TBC1D1: variants seen among roughly 807,000 people sequenced by gnomAD.
TBC1D1 encodes TBC1 domain family member 1.
A neutral mutation model predicts 125.6 loss-of-function variants in TBC1D1; 89 were observed. The observed-to-expected ratio is 0.71, with a 90% CI of 0.60 to 0.85. The LOEUF is 0.85. Among genes scored for constraint, TBC1D1 ranks in the 40% least tolerant of loss-of-function variants. TBC1D1 has a pLI of 0.00. For missense variants in TBC1D1, 1,377 were observed against 1,469.2 expected (o/e 0.94, Z 1.03); for synonymous variants, 565 against 564.1 (o/e 1.00, Z -0.02).
At chr4:38,031,188 G>A (rs1224555253) in intron 7 of TBC1D1, among the ~76,000 whole-genome samples, 1 of 152,206 alleles carries the variant, frequency 6.6e-6, no homozygotes, top group Non-Finnish European at 1.5e-5. Flanking sequence ...TGTGGAGCTA[G>A]TAAATAAAAT....
chr4:38,095,583 T>C (rs1301478723), intron 13 of TBC1D1, among the ~76,000 whole-genome samples: 2 of 152,302 alleles, frequency 1.3e-5, no homozygotes, highest in East Asian at 1.9e-4. Context: ...ATGCTAGTCA[T>C]TGGGAATTTT....
intron 12 of TBC1D1, among the ~76,000 whole-genome samples, chr4:38,069,860 T>TTTTTG (rs72452741): frequency 4.6e-5 from 7 of 151,606 alleles, no homozygotes; most frequent in South Asian, 2.1e-4. Flanking sequence ...TTTTTTCTGT[T>TTTTTG]TTTTGTTTTG....
intron 2 of TBC1D1, among the ~76,000 whole-genome samples, chr4:37,979,422 A>G (rs140413880): frequency 2.0e-5 from 3 of 152,338 alleles, no homozygotes; most frequent in African/African-American, 7.2e-5. Flanking sequence ...TTGGAGTTAT[A>G]GATTGTAAGA....
chr4:37,920,795 A>G (rs60244784), intron 2 of TBC1D1, among the ~76,000 whole-genome samples: 1 of 151,772 alleles, frequency 6.6e-6, no homozygotes, highest in African/African-American at 2.4e-5. Flanking sequence ...CATTGTCCCA[A>G]AACAGTAGGG....
chr4:37,915,283 C>T (rs980233892), intron 2 of TBC1D1, among the ~76,000 whole-genome samples: 12 of 152,264 alleles, frequency 7.9e-5, no homozygotes, highest in Non-Finnish European at 1.6e-4. Flanking sequence ...CAATAGGATA[C>T]ACATCATAAA....
At chr4:37,913,393 G>A (rs1440923213) in intron 2 of TBC1D1, among the ~76,000 whole-genome samples, 1 of 152,112 alleles carries the variant, frequency 6.6e-6, no homozygotes, top group Non-Finnish European at 1.5e-5. Flanking sequence ...GAGGTCGGGA[G>A]TTCAAGACAA....
chr4:38,031,182 G>T (rs1269133300), intron 7 of TBC1D1, among the ~76,000 whole-genome samples: 1 of 152,192 alleles, frequency 6.6e-6, no homozygotes, highest in African/African-American at 2.4e-5. Context: ...AGCCAATGTG[G>T]AGCTAGTAAA....
chr4:37,925,417 C>T (rs1466954861), intron 2 of TBC1D1, among the ~76,000 whole-genome samples: 10 of 152,042 alleles, frequency 6.6e-5, no homozygotes, highest in African/African-American at 2.4e-4. Flanking sequence ...TATATTACTT[C>T]TGATTATAAA....
chr4:37,977,145 T>C lies in TBC1D1; in HGVS notation c.418-37364T>C, dbSNP rs931722710. On this transcript the variant is annotated intron_variant, in intron 2 of 19. Coordinates refer to ENST00000261439, the MANE Select transcript of TBC1D1 (RefSeq NM_015173.4). This position sits in a 1 kb window ranked among gnomAD's most constrained non-coding sequence, Gnocchi z 4.3. ...GCCTCCAGGGTTTCCTGCGCAGCCC[T>C]GGGCATCTCGGAAGGGGGCGACCCC... 2.6e-5 allele frequency among the ~76,000 whole-genome samples: 4 copies of C among 152,084 alleles called. No individual in the cohort carries two copies. The highest frequency in any genetic ancestry group is 7.2e-5 in the African/African-American group (3 of 41,436).
intron 2 of TBC1D1, among the ~76,000 whole-genome samples, chr4:37,923,539 C>A (rs1721453094): frequency 1.3e-5 from 2 of 152,174 alleles, no homozygotes; most frequent in South Asian, 4.1e-4. Context: ...CTTATTGGAG[C>A]TGGAAGTCTC....
At chr4:37,952,105 C>T (rs1007917753) in intron 2 of TBC1D1, 6 of 716,830 alleles carry the variant, frequency 8.4e-6, no homozygotes, top group African/African-American at 7.0e-5. Context: ...GTGTCAGCAA[C>T]GTGAAGCTTG....
Position 37,902,115 on chromosome 4 carries a change from C to T in TBC1D1, c.20C>T (p.Thr7Ile), listed in dbSNP as rs1468321609. ...CCCAAGATGGAACCAATAACATTCA[C>T]AGCAAGGAAACATCTGCTTTCTAAC... Residue 7 changes from threonine (T) to isoleucine (I), a missense_variant, in exon 2 of 20, where the codon ACA becomes ATA. By Grantham distance (89) the Thr-to-Ile change is moderately conservative. Around this residue, in one of 3 missense-constraint regions of TBC1D1, gnomAD observed 822 missense variants for 824.6 expected, o/e 1.00. Coordinates refer to ENST00000261439, the MANE Select transcript of TBC1D1 (RefSeq NM_015173.4). 1 of 1,605,216 alleles carries T rather than the reference C, an allele frequency of 6.2e-7. No homozygotes were observed. The highest frequency in any genetic ancestry group is 8.5e-7 in the Non-Finnish European group (1 of 1,176,078).
At chr4:38,115,367 G>A (rs1762821941) in intron 15 of TBC1D1, among the ~76,000 whole-genome samples, 1 of 152,180 alleles carries the variant, frequency 6.6e-6, no homozygotes, top group African/African-American at 2.4e-5. Flanking sequence ...CTCTGAAAGT[G>A]CTGGGATTAC....
chr4:38,130,615 C>T (rs1253224143), intron 18 of TBC1D1, among the ~76,000 whole-genome samples: 3 of 152,148 alleles, frequency 2.0e-5, no homozygotes, highest in Non-Finnish European at 4.4e-5. Context: ...GAGCCAGTCC[C>T]CCTTGCAGAG....
At chr4:37,990,342 A>G (rs1289233060) in intron 2 of TBC1D1, among the ~76,000 whole-genome samples, 1 of 152,074 alleles carries the variant, frequency 6.6e-6, no homozygotes, top group African/African-American at 2.4e-5. Flanking sequence ...AAGCTAATCA[A>G]CTATCATTAG....
At chr4:38,111,239 TCTCC>T (rs1238357071) in intron 15 of TBC1D1, among the ~76,000 whole-genome samples, 1 of 152,208 alleles carries the variant, frequency 6.6e-6, no homozygotes, top group Non-Finnish European at 1.5e-5. Context: ...GTGACCTGCC[TCTCC>T]CTCTTTACTT....
chr4:38,084,186 G>A (rs533106638), intron 12 of TBC1D1, among the ~76,000 whole-genome samples: 8 of 152,188 alleles, frequency 5.3e-5, no homozygotes, highest in Admixed American at 2.0e-4. Flanking sequence ...TGCCCGCCTC[G>A]GCCTCCCAAA....
intron 15 of TBC1D1, among the ~76,000 whole-genome samples, 185 bp downstream of exon 17, chr4:38,103,342 C>G (rs1335214260): frequency 6.6e-6 from 1 of 152,186 alleles, no homozygotes; most frequent in African/African-American, 2.4e-5. Context: ...ATAAAAATCT[C>G]TGTATTTTCA....
intron 15 of TBC1D1, among the ~76,000 whole-genome samples, chr4:38,111,734 G>T (rs527832591): frequency 4.6e-5 from 7 of 152,352 alleles, no homozygotes; most frequent in African/African-American, 1.4e-4. Flanking sequence ...ACCTCCAGGG[G>T]TCCTCAGGCT....
Sources: gnomAD v4.1 joint callset for allele counts (sites outside exome capture counted in the v4.1 genomes callset) on GRCh38, gnomAD v4.1.1 for gene constraint, gnomAD v4.1.1 regional missense constraint, Gnocchi (gnomAD v3.1) non-coding constraint, MANE v1.5 for transcripts, NCBI Gene and HGNC (gene_info 2026-07-23, HGNC 2026-07-21) for gene names.